Variants in AKAP19 observed in about 807,000 individuals in gnomAD.
AKAP19 encodes the protein A-kinase anchoring protein 19, also known as small A-kinase anchoring protein.
At chr2:189,919,547 C>T in the AKAP19 span, among the ~76,000 whole-genome samples, 1 of 151,972 alleles carries the variant, frequency 6.6e-6, no homozygotes, top group African/African-American at 2.4e-5. Context: ...CCCCTTACCC[C>T]CACTCCCCAA....
chr2:190,015,430 C>T, the AKAP19 span, among the ~76,000 whole-genome samples: 7 of 152,262 alleles, frequency 4.6e-5, no homozygotes, highest in Admixed American at 3.9e-4. Flanking sequence ...ATGCAGGGTG[C>T]CAAGTCCCGA....
the AKAP19 span, chr2:190,091,018 G>A: frequency 2.0e-5 from 3 of 152,214 alleles, no homozygotes; most frequent in Non-Finnish European, 4.4e-5. Context: ...TTGTTTCAAA[G>A]GTGTAAGCCT....
chr2:189,960,306 ATTAAAT>A, the AKAP19 span, among the ~76,000 whole-genome samples: 1 of 152,200 alleles, frequency 6.6e-6, no homozygotes. Flanking sequence ...CCATTTTACT[ATTAAAT>A]TATCATTGAT....
the AKAP19 span, among the ~76,000 whole-genome samples, chr2:190,191,936 T>G: frequency 6.6e-6 from 1 of 152,198 alleles, no homozygotes; most frequent in Non-Finnish European, 1.5e-5. Flanking sequence ...AACTGTGTTT[T>G]TTTTTCCAGA....
At chr2:189,929,589 C>G in the AKAP19 span, among the ~76,000 whole-genome samples, 1 of 151,606 alleles carries the variant, frequency 6.6e-6, no homozygotes, top group African/African-American at 2.4e-5. Flanking sequence ...GATAGTACAT[C>G]TCAGTTTGCT....
At chr2:190,075,440 C>T in the AKAP19 span, among the ~76,000 whole-genome samples, 1 of 152,096 alleles carries the variant, frequency 6.6e-6, no homozygotes, top group Admixed American at 6.6e-5. Context: ...TTTCTATCTG[C>T]TCCAACTCTA....
chr2:190,013,617 G>A, the AKAP19 span, among the ~76,000 whole-genome samples: 4 of 151,992 alleles, frequency 2.6e-5, no homozygotes, highest in Admixed American at 1.3e-4. Context: ...CTGGGTTCAC[G>A]CCATTCTCCT....
At chr2:189,922,920 C>G in the AKAP19 span, among the ~76,000 whole-genome samples, 1 of 151,988 alleles carries the variant, frequency 6.6e-6, no homozygotes, top group Non-Finnish European at 1.5e-5. Flanking sequence ...GAGGCTGAGG[C>G]GGATGGATTG....
At chr2:189,956,177 C>CTTTTTTT in the AKAP19 span, among the ~76,000 whole-genome samples, 87,236 of 122,252 alleles carry the variant, frequency 0.71, 33,204 homozygotes, top group East Asian at 0.83. Flanking sequence ...TCTTTTTTTT[C>CTTTTTTT]TTTTTTTTTT....
the AKAP19 span, among the ~76,000 whole-genome samples, chr2:189,968,732 A>G: frequency 3.9e-5 from 6 of 152,204 alleles, no homozygotes; most frequent in South Asian, 4.2e-4. Context: ...CCACTCCAAA[A>G]TGTTTAAGAC....
At chr2:190,189,564 C>G in the AKAP19 span, among the ~76,000 whole-genome samples, 1 of 152,128 alleles carries the variant, frequency 6.6e-6, no homozygotes, top group Non-Finnish European at 1.5e-5. Context: ...ATTTTAATAT[C>G]TAGGTATTTT....
chr2:190,036,522 G>A, the AKAP19 span, among the ~76,000 whole-genome samples: 11 of 152,176 alleles, frequency 7.2e-5, no homozygotes, highest in East Asian at 1.9e-4. Flanking sequence ...GGAGGAAACC[G>A]TAAACAATGG....
At chr2:189,988,000 TGGGGGTG>T in the AKAP19 span, among the ~76,000 whole-genome samples, 11 of 148,366 alleles carry the variant, frequency 7.4e-5, no homozygotes, top group Non-Finnish European at 1.6e-4. Context: ...ATTAGGTGGA[TGGGGGTG>T]GTGGCGGGGG....
At chr2:190,194,503 C>A in the AKAP19 span, among the ~76,000 whole-genome samples, 2 of 151,642 alleles carry the variant, frequency 1.3e-5, no homozygotes, top group Admixed American at 1.3e-4. Flanking sequence ...CACACACACA[C>A]ACACACACAC....
the AKAP19 span, among the ~76,000 whole-genome samples, chr2:189,898,431 A>C: frequency 1.3e-5 from 2 of 152,240 alleles, no homozygotes; most frequent in Admixed American, 1.3e-4. Flanking sequence ...CCCCACAAAC[A>C]TAATTTCCCA....
chr2:190,128,288 T>C, the AKAP19 span, among the ~76,000 whole-genome samples: 1 of 152,138 alleles, frequency 6.6e-6, no homozygotes, highest in African/African-American at 2.4e-5. Context: ...AACCAATCCA[T>C]CTAAAGAACC....
the AKAP19 span, among the ~76,000 whole-genome samples, chr2:190,167,587 G>C: frequency 1.5e-4 from 23 of 152,156 alleles, no homozygotes; most frequent in Admixed American, 2.6e-4. Flanking sequence ...AAGCAAGTTA[G>C]TTACTTCCTA....
At chr2:189,931,115 A>G in the AKAP19 span, 396 of 357,416 alleles carry the variant, frequency 1.1e-3, 1 homozygote, top group Admixed American at 2.2e-3. Context: ...CTATGTAAAT[A>G]TATTGTTGCT....
At chr2:190,116,391 T>C in the AKAP19 span, among the ~76,000 whole-genome samples, 2 of 152,032 alleles carry the variant, frequency 1.3e-5, no homozygotes, top group African/African-American at 4.8e-5. Flanking sequence ...CTCAATCTCT[T>C]TTATAGTCAT....
Sources: allele counts gnomAD v4.1 joint callset (sites outside exome capture counted in the v4.1 genomes callset), GRCh38; gene constraint gnomAD v4.1.1; transcripts MANE v1.5; gene names NCBI Gene and HGNC (gene_info 2026-07-23, HGNC 2026-07-21).